AGBL1: variants seen among roughly 807,000 people sequenced by gnomAD.
AGBL1 encodes the protein cytosolic carboxypeptidase 4.
Under a neutral mutation model 118.9 loss-of-function variants are expected in AGBL1, and 130 were observed. The observed-to-expected ratio is 1.09, with a 90% CI of 0.95 to 1.26. The LOEUF (loss-of-function observed/expected upper bound fraction) is 1.26. AGBL1 is among the 50% of genes most tolerant of loss of function. The probability of loss-of-function intolerance (pLI) is 0.00; values close to 1 mark genes in which losing one functional copy is unlikely to be tolerated. For synonymous variants in AGBL1, 555 were observed against 478.9 expected (o/e 1.16, Z -2.08); for missense variants, 1,584 against 1,298.1 (o/e 1.22, Z -3.38).
intron 17 of AGBL1, among the ~76,000 whole-genome samples, chr15:86,369,306 C>A (rs1197837412): frequency 6.6e-6 from 1 of 152,124 alleles, no homozygotes; most frequent in Non-Finnish European, 1.5e-5. Context: ...TTAATGGGTA[C>A]TTAAAATATG....
At chr15:86,624,449 G>A (rs2881459) in intron 21 of AGBL1, among the ~76,000 whole-genome samples, 23,683 of 152,168 alleles carry the variant, frequency 0.16, 2,252 homozygotes, top group African/African-American at 0.25. Flanking sequence ...TGGAATGGAA[G>A]ACATATCCTC....
At chr15:86,302,333 T>G (rs1251155426) in intron 17 of AGBL1, among the ~76,000 whole-genome samples, 1 of 152,162 alleles carries the variant, frequency 6.6e-6, no homozygotes, top group Non-Finnish European at 1.5e-5. Context: ...TTACACCTAT[T>G]TTATGGATGA....
At chr15:86,946,885 A>G (rs1486165512) in intron 23 of AGBL1, among the ~76,000 whole-genome samples, 1 of 151,456 alleles carries the variant, frequency 6.6e-6, no homozygotes, top group African/African-American at 2.4e-5. Context: ...AAAGAAAAAG[A>G]AATACTACAG....
chr15:86,991,280 T>C lies in AGBL1; in HGVS notation c.3323+3192T>C, dbSNP rs538190487. Among the ~76,000 whole-genome samples the C allele has an allele frequency of 6.6e-5, 10 of 152,280 alleles. No homozygotes were observed. In the East Asian group the frequency reaches 1.4e-3, roughly 21 times the overall value. On this transcript the variant is annotated intron_variant, in intron 24 of 24. Transcript: ENST00000441037. ...GAAGCTCTGTGCATTCTTAGTGTGA[T>C]GGCACAGAACACCAACTTATTTTTT...
At chr15:86,571,636 C>G (rs1468503752) in intron 21 of AGBL1, among the ~76,000 whole-genome samples, 1 of 152,168 alleles carries the variant, frequency 6.6e-6, no homozygotes, top group East Asian at 1.9e-4. Flanking sequence ...TGCAGCTGGT[C>G]ATCCCTTCAT....
At chr15:86,176,727 G>A (rs1448814385) in intron 5 of AGBL1, among the ~76,000 whole-genome samples, 1 of 152,150 alleles carries the variant, frequency 6.6e-6, no homozygotes, top group African/African-American at 2.4e-5. Flanking sequence ...AGCTGCTTGG[G>A]TCTGGGGAGT....
chr15:86,148,348 T>G (rs1261173290), intron 3 of AGBL1, among the ~76,000 whole-genome samples: 12 of 152,082 alleles, frequency 7.9e-5, no homozygotes, highest in Admixed American at 7.9e-4. Flanking sequence ...AAGAAGGATG[T>G]TCGAACCCAT....
intron 22 of AGBL1, among the ~76,000 whole-genome samples, chr15:86,807,174 C>T (rs1244952233): frequency 6.6e-6 from 1 of 152,122 alleles, no homozygotes; most frequent in Admixed American, 6.6e-5. Context: ...AGCTGCTCAG[C>T]CAATGTGCCA....
At position 86,546,016 on chromosome 15, in the gene AGBL1, C is replaced by A. The variant is rs755664722; in HGVS notation, c.2700C>A (p.Phe900Leu). 1.9e-6 allele frequency: 3 copies of A among 1,612,892 alleles called. No individual in the cohort carries two copies. Among genetic ancestry groups the A allele is most frequent in the African/African-American group, 2.7e-5 (2 of 74,884 alleles). The change falls in exon 20 of 23, where the codon TTC becomes TTA. Residue 900 changes from phenylalanine (F) to leucine (L), a missense_variant. By Grantham distance (22) the Phe-to-Leu change is conservative. Coordinates refer to ENST00000614907, the MANE Select transcript of AGBL1 (RefSeq NM_001386094.1). ...IGRSPVVFCD[F>L]HGHSQKKNVF... ...GGCTATTGTAGGTTTTCTGTGACTT[C>A]CATGGCCACTCCCAAAAGAAGAATG... is the stretch of plus-strand genomic sequence containing the variant.
intron 17 of AGBL1, among the ~76,000 whole-genome samples, chr15:86,321,546 A>G (rs1463669410): frequency 1.3e-5 from 2 of 152,128 alleles, no homozygotes; most frequent in South Asian, 4.1e-4. Context: ...AGGCAGGTGG[A>G]TCACCAGAGG....
intron 6 of AGBL1, among the ~76,000 whole-genome samples, chr15:86,245,107 G>A (rs368317808): frequency 4.6e-5 from 7 of 152,004 alleles, no homozygotes; most frequent in African/African-American, 1.7e-4. Context: ...CTGCACAAAT[G>A]GGCCAAAAAA....
At chr15:86,135,635 T>C (rs74920733) in intron 1 of AGBL1, among the ~76,000 whole-genome samples, 9,285 of 152,200 alleles carry the variant, frequency 0.061, 494 homozygotes, top group East Asian at 0.26. Context: ...ATGCCTACTG[T>C]GTGAAAGACC....
rs2080304772 is a variant in AGBL1 at position 86,908,099 on chromosome 15, A to G, written c.*805A>G. 1 of 152,060 alleles carries G rather than the reference A, an allele frequency of 6.6e-6. No individual in the cohort carries two copies. Among genetic ancestry groups the G allele is most frequent in the Non-Finnish European group, 1.5e-5 (1 of 68,036 alleles). The allele number at this position is 152,060 out of a possible 1,614,324, so 9.4% of individuals were successfully genotyped here. ...GCTTGTTATGACAATTTAGGCAAGT[A>G]ATTAAATTTTCCTAAACTTCAGTTT... is the stretch of plus-strand genomic sequence containing the variant. On this transcript the variant is annotated 3_prime_UTR_variant, in exon 23 of 23. Transcript: ENST00000614907.
In AGBL1 at chr15:86,556,307, T is replaced by C. The variant is rs373608819; in HGVS notation, c.2994+1770T>C. The C allele has an allele frequency of 1.9e-6, 3 of 1,594,552 alleles. No homozygotes were observed. In the African/African-American group the frequency reaches 4.0e-5, roughly 21 times the overall value. ...TCAGGTATTGGAGCAGCATTTATCTTGTGAAATTTTCCAAATGGCTTTTGC... is the reference window on the plus strand; with the variant it reads ...TCAGGTATTGGAGCAGCATTTATCTCGTGAAATTTTCCAAATGGCTTTTGC... On this transcript the variant is annotated intron_variant, in intron 21 of 22. Coordinates refer to ENST00000614907, the MANE Select transcript of AGBL1 (RefSeq NM_001386094.1).
At chr15:86,226,954 G>C (rs898132598) in intron 6 of AGBL1, among the ~76,000 whole-genome samples, 15 of 152,164 alleles carry the variant, frequency 9.9e-5, no homozygotes, top group African/African-American at 3.1e-4. Flanking sequence ...ATTGGTTGTT[G>C]TATTACTTGC....
At chr15:86,406,027 G>A (rs572681192) in intron 18 of AGBL1, among the ~76,000 whole-genome samples, 1 of 152,300 alleles carries the variant, frequency 6.6e-6, no homozygotes, top group South Asian at 2.1e-4. Context: ...GGGTGAAGGA[G>A]TCTAGAGTGG....
intron 21 of AGBL1, among the ~76,000 whole-genome samples, chr15:86,623,780 C>G (rs4558388): frequency 1.3e-5 from 2 of 152,276 alleles, no homozygotes; most frequent in East Asian, 1.9e-4. Flanking sequence ...CAGTGATTTT[C>G]TAAATAATTT....
chr15:86,777,412 G>A (rs2078273037), intron 22 of AGBL1, among the ~76,000 whole-genome samples: 1 of 142,346 alleles, frequency 7.0e-6, no homozygotes, highest in Non-Finnish European at 1.6e-5. Context: ...TTATTACAGT[G>A]GCCTCTTCCA....
rs140346756 is a variant in AGBL1 at position 86,433,482 on chromosome 15, A to G, written c.2555+35936A>G. On this transcript the variant is annotated intron_variant, in intron 18 of 22. Transcript: ENST00000614907. ...AAGACTGAATGAAACATTGAATGAA[A>G]TATATCTGTCTAAGAAAACCAGTTG... 8.6e-4 allele frequency among the ~76,000 whole-genome samples: 131 copies of G among 152,042 alleles called. 1 individual carries two copies. In the South Asian group the frequency reaches 0.013, roughly 15 times the overall value.
Sources: allele counts gnomAD v4.1 joint callset (sites outside exome capture counted in the v4.1 genomes callset), GRCh38; gene constraint gnomAD v4.1.1; transcripts MANE v1.5; gene names NCBI Gene and HGNC (gene_info 2026-07-23, HGNC 2026-07-21).